Variants in ARRDC2 observed in about 807,000 individuals in gnomAD.
The protein encoded by ARRDC2 is arrestin domain-containing protein 2.
ARRDC2 carries 39 observed loss-of-function variants against 38.9 expected under a neutral mutation model. The ratio of observed to expected loss-of-function variants is 1.00; its 90% confidence interval spans 0.78 to 1.31. The LOEUF (loss-of-function observed/expected upper bound fraction) is 1.31. Ranked by LOEUF, ARRDC2 falls within the 50% of genes most tolerant of loss-of-function variation. The pLI is 0.00. For missense variants in ARRDC2, 553 were observed against 588.4 expected, an observed-to-expected ratio of 0.94 and a Z score of 0.62; for synonymous variants, 300 against 261.9, an observed-to-expected ratio of 1.15 and a Z score of -1.41.
At chr19:18,005,087 A>T (rs1250144015), upstream of ARRDC2, among the ~76,000 whole-genome samples, 1 of 151,746 alleles carries the variant, frequency 6.6e-6, no homozygotes, top group African/African-American at 2.4e-5. Flanking sequence ...ATAGGACAAT[A>T]GTGGAGGGAA....
chr19:18,013,637 C>T lies in ARRDC2; in HGVS notation c.*671C>T, dbSNP rs73512454. On this transcript the variant is annotated 3_prime_UTR_variant, in exon 8 of 8. Coordinates refer to ENST00000222250, the MANE Select transcript of ARRDC2 (RefSeq NM_015683.2). ...GGAGTCTGTGGGTGGCAGGGGCAGC[C>T]GCTCCAGCCTTTGAAGACTTTGAAA... 9,901 of 151,554 alleles carry T rather than the reference C, an allele frequency of 0.065. 467 individuals are homozygous for T. The highest frequency in any genetic ancestry group is 0.12 in the African/African-American group (4,762 of 40,912). The allele number at this position is 151,554 out of a possible 1,614,324, so 9.4% of individuals were successfully genotyped here.
upstream of ARRDC2, among the ~76,000 whole-genome samples, chr19:18,005,848 G>A (rs1324794519): frequency 1.3e-5 from 2 of 151,350 alleles, no homozygotes; most frequent in African/African-American, 4.9e-5. Context: ...CAGCCGGGCG[G>A]AGGGGCTCCT....
exon 1 of ARRDC2, chr19:18,001,363 C>T (rs1467136436): frequency 7.5e-6 from 9 of 1,198,362 alleles, no homozygotes; most frequent in Non-Finnish European, 8.3e-6. Flanking sequence ...GGCGCGGGGC[C>T]CGGGCGGCGC....
rs1306542499 is a variant in ARRDC2 at position 18,013,084 on chromosome 19, G to A, written c.*118G>A. The A allele has an allele frequency of 1.8e-6, 2 of 1,106,358 alleles. No homozygotes were observed. The highest frequency in any genetic ancestry group is 3.1e-5 in the African/African-American group (2 of 63,558). 68.5% of individuals were successfully genotyped at this position (1,106,358 alleles called of 1,614,324 possible). On this transcript the variant is annotated 3_prime_UTR_variant, in exon 8 of 8. Transcript: ENST00000222250. ...GACTGCATCAAAGTTGGGGAACCAA[G>A]TCTCAGAGTGAGGCGGGGGCCTTTC...
chr19:18,006,581 TTCTGC>T (rs1202944444), upstream of ARRDC2, among the ~76,000 whole-genome samples: 2 of 152,066 alleles, frequency 1.3e-5, no homozygotes, highest in African/African-American at 4.8e-5. Flanking sequence ...ACAGTCCAGC[TTCTGC>T]TCGGCATGAG....
chr19:18,001,378 C>G (rs2033182464), exon 1 of ARRDC2: 1 of 1,206,766 alleles, frequency 8.3e-7, no homozygotes, highest in South Asian at 4.1e-5. Context: ...CGGCGCCTAC[C>G]GCGGCGGGGA....
chr19:18,011,157 G>A (rs1274007952), intron 7 of ARRDC2, among the ~76,000 whole-genome samples: 2 of 152,052 alleles, frequency 1.3e-5, no homozygotes, highest in African/African-American at 4.8e-5. Context: ...GCCACCACAC[G>A]TGGCTAATTT....
chr19:18,011,638 G>A (rs142754783), intron 7 of ARRDC2, among the ~76,000 whole-genome samples: 16 of 152,030 alleles, frequency 1.1e-4, no homozygotes, highest in African/African-American at 3.4e-4. Context: ...GGCCAAGATG[G>A]GAGGACTGCT....
intron 2 of ARRDC2, 84 bp from the exon 3 acceptor site, chr19:18,008,887 A>T: frequency 6.3e-7 from 1 of 1,594,694 alleles, no homozygotes; most frequent in South Asian, 1.1e-5. Flanking sequence ...TCCCCCTGGG[A>T]GGCCCCCGGA....
upstream of ARRDC2, chr19:18,007,977 T>G: frequency 2.1e-6 from 1 of 484,588 alleles, no homozygotes; most frequent in Non-Finnish European, 3.4e-6. Flanking sequence ...GGGCTTCAGT[T>G]TCTCCCCGGG....
upstream of ARRDC2, chr19:18,008,116 A>AGCGCCCCCC: frequency 1.9e-6 from 1 of 522,500 alleles, no homozygotes; most frequent in Non-Finnish European, 2.9e-6. Flanking sequence ...AGAGACGGTG[A>AGCGCCCCCC]CCCCACCCCC....
chr19:18,005,652 G>A (rs1001638122), upstream of ARRDC2, among the ~76,000 whole-genome samples: 24 of 150,764 alleles, frequency 1.6e-4, no homozygotes, highest in Non-Finnish European at 2.1e-4. Flanking sequence ...CGGACGGGGC[G>A]GCTGGCCGGG....
chr19:18,005,180 G>T (rs1186123145), upstream of ARRDC2, among the ~76,000 whole-genome samples: 1 of 151,822 alleles, frequency 6.6e-6, no homozygotes, highest in African/African-American at 2.4e-5. Flanking sequence ...AGATTAGGGA[G>T]TGGTGATGAC....
In ARRDC2 at chr19:18,010,710, C is replaced by T. The variant is rs537634477; in HGVS notation, c.1151C>T (p.Pro384Leu). 19 of 1,613,802 alleles carry T rather than the reference C, an allele frequency of 1.2e-5. No homozygotes were observed. Among genetic ancestry groups the T allele is most frequent in the Admixed American group, 6.7e-5 (4 of 60,028 alleles). Residue 384 changes from proline to leucine, a missense_variant, in exon 7 of 8, where the codon CCG becomes CTG. Pro to Leu is a moderately conservative substitution (Grantham distance 98, BLOSUM62 -3). Transcript: ENST00000222250. ...FAYIQEFRYR[P>L]PPLYSEEDPN... The stretch of plus-strand genomic sequence containing the variant: ...TACATCCAAGAGTTCCGCTACCGCC[C>T]GCCACCCCTGTACTCTGAGGTGAGC...
upstream of ARRDC2, among the ~76,000 whole-genome samples, chr19:18,006,098 C>T (rs1384972384): frequency 1.3e-5 from 2 of 150,820 alleles, no homozygotes; most frequent in Non-Finnish European, 3.0e-5. Flanking sequence ...TCCTCACTTC[C>T]TAGGTGGGAT....
At chr19:18,012,456 A>G (rs1029449612) in intron 7 of ARRDC2, among the ~76,000 whole-genome samples, 13 of 152,002 alleles carry the variant, frequency 8.6e-5, no homozygotes, top group Admixed American at 6.6e-4. Context: ...GTGTGGTGGC[A>G]TCCACCTGTG....
In ARRDC2 at chr19:18,009,589, C is replaced by A; in HGVS notation, c.490-3C>A. 1 of 1,595,690 alleles carries A rather than the reference C, an allele frequency of 6.3e-7. No individual in the cohort carries two copies. The highest frequency in any genetic ancestry group is 1.7e-5 in the Admixed American group (1 of 58,456). ...TCCATGTCACTTTCCTCTACACCGACAGGCACCTCAAGCGGGGGCTCGGGA... is the reference window on the plus strand; with the variant it reads ...TCCATGTCACTTTCCTCTACACCGAAAGGCACCTCAAGCGGGGGCTCGGGA... On this transcript the variant is annotated splice_region_variant and splice_polypyrimidine_tract_variant and intron_variant, in intron 3 of 7. Coordinates refer to ENST00000222250, the MANE Select transcript of ARRDC2 (RefSeq NM_015683.2).
upstream of ARRDC2, chr19:18,008,114 T>TGGG: frequency 1.8e-5 from 19 of 1,056,188 alleles, no homozygotes; most frequent in Non-Finnish European, 2.3e-5. Flanking sequence ...GAAGAGACGG[T>TGGG]GACCCCACCC....
upstream of ARRDC2, among the ~76,000 whole-genome samples, chr19:18,006,303 C>A (rs1245379516): frequency 1.3e-5 from 2 of 152,184 alleles, no homozygotes; most frequent in Non-Finnish European, 2.9e-5. Context: ...TGTAGCGAGC[C>A]GAGATCACGC....
Sources: gnomAD v4.1 joint callset for allele counts (sites outside exome capture counted in the v4.1 genomes callset) on GRCh38, gnomAD v4.1.1 for gene constraint, MANE v1.5 for transcripts, NCBI Gene and HGNC (gene_info 2026-07-23, HGNC 2026-07-21) for gene names.